The following CYP2U1 variants were observed in gnomAD, a reference collection of about 807,000 sequenced individuals.
CYP2U1 encodes the protein cytochrome P450 family 2 subfamily U member 1.
CYP2U1 carries 28 observed loss-of-function variants against 42.8 expected under a neutral mutation model. The observed-to-expected ratio is 0.65, with a 90% CI of 0.48 to 0.90. CYP2U1 has a LOEUF of 0.90. Among genes scored for constraint, CYP2U1 ranks in the 40% least tolerant of loss-of-function variants. The pLI, the probability that CYP2U1 is intolerant of heterozygous loss-of-function variation, is 0.00. For missense variants in CYP2U1, 642 were observed against 693.8 expected, an observed-to-expected ratio of 0.93 and a Z score of 0.84; for synonymous variants, 296 against 278.9, an observed-to-expected ratio of 1.06 and a Z score of -0.61.
rs962366911 is a variant in CYP2U1 at position 107,951,215 on chromosome 4, A to T, written c.*792A>T. 1 of 152,194 alleles carries T rather than the reference A, an allele frequency of 6.6e-6. No individual in the cohort carries two copies. The highest frequency in any genetic ancestry group is 1.9e-4 in the East Asian group (1 of 5,192). The allele number at this position is 152,194 out of a possible 1,614,324, so 9.4% of individuals were successfully genotyped here. On this transcript the variant is annotated 3_prime_UTR_variant, in exon 5 of 5. Transcript: ENST00000332884. ...CAGTGAGCCTTGCTACTTCTTTAGT[A>T]GCTTCTTGGCAGAATTCCTTTCTAC...
rs748538888 is a variant in CYP2U1, at chr4:107,947,545, C to G, written c.1288+8C>G. The G allele has an allele frequency of 1.9e-6, 3 of 1,613,648 alleles. No individual in the cohort carries two copies. Among genetic ancestry groups the G allele is most frequent in the Non-Finnish European group, 2.5e-6 (3 of 1,179,828 alleles). ...TGACCTCAGAGAACACAGGCAAGTC[C>G]AGGGTCTTCCTCTTTGAATGCCCTT... On this transcript the variant is annotated splice_region_variant and intron_variant, in intron 3 of 4. Coordinates refer to ENST00000332884, the MANE Select transcript of CYP2U1 (RefSeq NM_183075.3).
At position 107,950,140 on chromosome 4, in the gene CYP2U1, G is replaced by A. The variant is rs564888809; in HGVS notation, c.1457-105G>A. The A allele has an allele frequency of 5.1e-5, 60 of 1,178,560 alleles. 1 individual carries two copies. The South Asian group carries it at 9.2e-4, about 18-fold the overall frequency. The allele number at this position is 1,178,560 out of a possible 1,614,324, so 73.0% of individuals were successfully genotyped here. On this transcript the variant is annotated intron_variant, in intron 4 of 4. Coordinates refer to ENST00000332884, the MANE Select transcript of CYP2U1 (RefSeq NM_183075.3). ...GCAATTTGACTTAAAAACTCCATCT[G>A]CATTTAGAATACTCAATTTAGATAT...
rs750275646 is a variant in CYP2U1, at chr4:107,932,024, G to A, written c.381G>A (p.Val127=). 4 of 1,564,730 alleles carry A rather than the reference G, an allele frequency of 2.6e-6. No individual in the cohort carries two copies. Among genetic ancestry groups the A allele is most frequent in the African/African-American group, 2.7e-5 (2 of 73,608 alleles). The change falls in exon 1 of 5, where the codon GTG becomes GTA. Residue 127 remains valine, a synonymous_variant. Coordinates refer to ENST00000332884, the MANE Select transcript of CYP2U1 (RefSeq NM_183075.3). ...IFSFFIGHYL[V]VVLSDFHSVR... ...GCTTCTTTATCGGCCACTACCTGGT[G>A]GTGGTCCTCAGCGACTTCCACAGCG...
chr4:107,951,169 C>T lies in CYP2U1; in HGVS notation c.*746C>T, dbSNP rs1733893858. On this transcript the variant is annotated 3_prime_UTR_variant, in exon 5 of 5. Coordinates refer to ENST00000332884, the MANE Select transcript of CYP2U1 (RefSeq NM_183075.3). ...TTATTATCTAAATTTATATGTCTAA[C>T]TTCTACTACAACTACAGGAACAGTG... The T allele has an allele frequency of 6.6e-6, 1 of 152,316 alleles. No homozygotes were observed. Among genetic ancestry groups the T allele is most frequent in the South Asian group, 2.1e-4 (1 of 4,832 alleles). The allele number at this position is 152,316 out of a possible 1,614,324, so 9.4% of individuals were successfully genotyped here.
At chr4:107,932,956 C>T (rs1733092401) in intron 1 of CYP2U1, among the ~76,000 whole-genome samples, 1 of 152,184 alleles carries the variant, frequency 6.6e-6, no homozygotes, top group Admixed American at 6.5e-5. Flanking sequence ...TGACCTTGGG[C>T]CTGGATGTCA....
chr4:107,944,470 A>AT (rs34360981), intron 1 of CYP2U1, among the ~76,000 whole-genome samples: 172 of 143,058 alleles, frequency 1.2e-3, no homozygotes, highest in East Asian at 1.4e-3. Context: ...CACCCGGCTA[A>AT]TTTTTTTTTT....
Position 107,931,980 on chromosome 4 carries a change from G to A in CYP2U1, c.337G>A (p.Val113Met), listed in dbSNP as rs1174811119. 6.4e-7 allele frequency: 1 copy of A among 1,552,870 alleles called. No individual in the cohort carries two copies. The highest frequency in any genetic ancestry group is 1.2e-5 in the South Asian group (1 of 84,158). ...PQVLLAHLARVYGSIFSFFIG... is the reference protein window; with the variant it reads ...PQVLLAHLARMYGSIFSFFIG... Reference sequence around the variant, plus strand: ...GGTGCTCCTGGCTCACCTAGCCCGCGTGTACGGCAGCATCTTCAGCTTCTT... The same window carrying A: ...GGTGCTCCTGGCTCACCTAGCCCGCATGTACGGCAGCATCTTCAGCTTCTT... Residue 113 changes from valine (V) to methionine (M), a missense_variant, in exon 1 of 5, where the codon GTG (valine) becomes ATG (methionine). Transcript: ENST00000332884.
At chr4:107,934,712 A>T (rs1367529240) in intron 1 of CYP2U1, among the ~76,000 whole-genome samples, 1 of 152,072 alleles carries the variant, frequency 6.6e-6, no homozygotes, top group African/African-American at 2.4e-5. Flanking sequence ...CCTACTCTAG[A>T]CACACTAAGC....
In CYP2U1 at chr4:107,947,440, G is replaced by A; in HGVS notation, c.1191G>A (p.Lys397=). The change falls in exon 3 of 5, where the codon AAG becomes AAA. Residue 397 remains lysine (K), a synonymous_variant. Coordinates refer to ENST00000332884, the MANE Select transcript of CYP2U1 (RefSeq NM_183075.3). ...ACCGAGCTCCTTCCCTCACAGACAAGGCCCAGATGCCCTACACAGAAGCCA... is the reference window on the plus strand; with the variant it reads ...ACCGAGCTCCTTCCCTCACAGACAAAGCCCAGATGCCCTACACAGAAGCCA... ...GANRAPSLTD[K]AQMPYTEATI... The A allele has an allele frequency of 6.2e-7, 1 of 1,614,100 alleles. No individual in the cohort carries two copies. Among genetic ancestry groups the A allele is most frequent in the Non-Finnish European group, 8.5e-7 (1 of 1,179,996 alleles).
chr4:107,936,292 T>C (rs1560696133), intron 1 of CYP2U1: 1 of 152,242 alleles, frequency 6.6e-6, no homozygotes, highest in Non-Finnish European at 1.5e-5. Context: ...TGTTTATGTA[T>C]TAGAAACTTA....
intron 3 of CYP2U1, 68 bp from the exon 4 acceptor site, chr4:107,949,282 A>G (rs781763725): frequency 5.4e-5 from 73 of 1,349,946 alleles, no homozygotes; most frequent in Non-Finnish European, 7.0e-5. Flanking sequence ...TTTTCAGATA[A>G]TGATGTTCAG....
chr4:107,937,730 C>T (rs1310556065), intron 1 of CYP2U1: 3 of 152,152 alleles, frequency 2.0e-5, no homozygotes, highest in Admixed American at 6.5e-5. Flanking sequence ...TGGTCTCGAT[C>T]TCCTAACCTC....
rs776577604 is a variant in CYP2U1, at chr4:107,945,275, C to G, written c.796C>G (p.Gln266Glu). 1.2e-6 allele frequency: 2 copies of G among 1,614,118 alleles called. No homozygotes were observed. Among genetic ancestry groups the G allele is most frequent in the Non-Finnish European group, 1.7e-6 (2 of 1,180,018 alleles). ...AGGCCTAGAAATCTGTCTGAACAGT[C>G]AAGTCCTCCTGGTCAACATATGCCC... The part of the protein sequence containing the change: ...SRGLEICLNS[Q>E]VLLVNICPWL... The change falls in exon 2 of 5, where the codon CAA becomes GAA. Residue 266 changes from glutamine (Q) to glutamate (E), a missense_variant. Coordinates refer to ENST00000332884, the MANE Select transcript of CYP2U1 (RefSeq NM_183075.3).
chr4:107,945,907 C>A (rs1455510590), intron 2 of CYP2U1, among the ~76,000 whole-genome samples: 1 of 152,202 alleles, frequency 6.6e-6, no homozygotes, highest in Non-Finnish European at 1.5e-5. Context: ...AATCATAATG[C>A]TGATCTGAAC....
In CYP2U1 at chr4:107,931,966, C is replaced by T; in HGVS notation, c.323C>T (p.Ala108Val). ...GTCATAGGCCCGCAGGTGCTCCTGGCTCACCTAGCCCGCGTGTACGGCAGC... is the reference window on the plus strand; with the variant it reads ...GTCATAGGCCCGCAGGTGCTCCTGGTTCACCTAGCCCGCGTGTACGGCAGC... ...PSVIGPQVLL[A>V]HLARVYGSIF... is the part of the protein sequence containing the mutation. Residue 108 changes from alanine to valine, a missense_variant, in exon 1 of 5, where the codon GCT (alanine) becomes GTT (valine). Physicochemically the swap from Ala to Val is moderately conservative, Grantham distance 64. Coordinates refer to ENST00000332884, the MANE Select transcript of CYP2U1 (RefSeq NM_183075.3). 6.4e-7 allele frequency: 1 copy of T among 1,551,864 alleles called. No individual in the cohort carries two copies. Among genetic ancestry groups the T allele is most frequent in the Non-Finnish European group, 8.7e-7 (1 of 1,147,306 alleles).
At chr4:107,936,820 C>T (rs1733288021) in intron 1 of CYP2U1, among the ~76,000 whole-genome samples, 1 of 152,038 alleles carries the variant, frequency 6.6e-6, no homozygotes, top group South Asian at 2.1e-4. Context: ...TAAAACTTGC[C>T]TATGTTGGAT....
rs1175541112 is a variant in CYP2U1 at position 107,931,576 on chromosome 4, G to A, written c.-68G>A. Reference sequence around the variant, plus strand: ...AGCAGAGCAGGACACTGGCGCCGCGGGTCAGGCAGCTGCGTGCGCGTCTCC... The same window carrying A: ...AGCAGAGCAGGACACTGGCGCCGCGAGTCAGGCAGCTGCGTGCGCGTCTCC... On this transcript the variant is annotated 5_prime_UTR_variant, in exon 1 of 5. Transcript: ENST00000332884. 12 of 1,216,934 alleles carry A rather than the reference G, an allele frequency of 9.9e-6. No individual in the cohort carries two copies. Among genetic ancestry groups the A allele is most frequent in the Admixed American group, 4.3e-5 (1 of 23,148 alleles). The allele number at this position is 1,216,934 out of a possible 1,614,324, so 75.4% of individuals were successfully genotyped here.
In CYP2U1 at chr4:107,950,759, G is replaced by A. The variant is rs998632626; in HGVS notation, c.*336G>A. ...CAGACATCCCATATGTAAAATGAGA[G>A]TAATAAAACTTGGCTTCTCTCTACC... On this transcript the variant is annotated 3_prime_UTR_variant, in exon 5 of 5. Coordinates refer to ENST00000332884, the MANE Select transcript of CYP2U1 (RefSeq NM_183075.3). 1.6e-5 allele frequency: 3 copies of A among 192,176 alleles called. No individual in the cohort carries two copies. The highest frequency in any genetic ancestry group is 5.5e-5 in the Admixed American group (1 of 18,038). 11.9% of individuals were successfully genotyped at this position (192,176 alleles called of 1,614,324 possible).
intron 1 of CYP2U1, among the ~76,000 whole-genome samples, chr4:107,932,659 G>A (rs1394522310): frequency 2.6e-5 from 4 of 152,186 alleles, no homozygotes; most frequent in Non-Finnish European, 4.4e-5. Context: ...GCGTATGGGA[G>A]TCTAAATTGG....
Sources: gnomAD v4.1 joint callset for allele counts (sites outside exome capture counted in the v4.1 genomes callset) on GRCh38, gnomAD v4.1.1 for gene constraint, MANE v1.5 for transcripts, NCBI Gene and HGNC (gene_info 2026-07-23, HGNC 2026-07-21) for gene names.